The following COL13A1 variants were observed in gnomAD, a reference collection of about 807,000 sequenced individuals.
COL13A1 encodes collagen type XIII alpha 1 chain, also known as collagen alpha-1(XIII) chain.
A neutral mutation model predicts 130.9 loss-of-function variants in COL13A1; 89 were observed. That is an observed-to-expected ratio of 0.68 (90% CI 0.57 to 0.81). The LOEUF (loss-of-function observed/expected upper bound fraction) is 0.81, where lower values mean the gene tolerates loss of function less well. Ranked by LOEUF, COL13A1 falls within the 30% of genes least tolerant of loss-of-function variation. The pLI is 0.00. For synonymous variants in COL13A1, 402 were observed against 341.6 expected, an observed-to-expected ratio of 1.18 and a Z score of -1.95; for missense variants, 879 against 934.6, an observed-to-expected ratio of 0.94 and a Z score of 0.78.
At chr10:69,871,426 C>T (rs1315452915) in intron 3 of COL13A1, among the ~76,000 whole-genome samples, 2 of 152,198 alleles carry the variant, frequency 1.3e-5, no homozygotes, top group African/African-American at 4.8e-5. Flanking sequence ...ACCAACAACA[C>T]GGCGGGATGG....
Position 69,802,317 on chromosome 10 carries a change from T to A in COL13A1, c.-107T>A. The stretch of plus-strand genomic sequence containing the variant: ...AGCGGAAAGGGACGTTTTCCAGCGA[T>A]ACAAGCCCTTTCCCCCTGCCCCGCA... On this transcript the variant is annotated 5_prime_UTR_variant, in exon 1 of 41. Coordinates refer to ENST00000645393, the MANE Select transcript of COL13A1 (RefSeq NM_001368882.1). 1 of 1,245,376 alleles carries A rather than the reference T, an allele frequency of 8.0e-7. No homozygotes were observed. Among genetic ancestry groups the A allele is most frequent in the Non-Finnish European group, 1.0e-6 (1 of 962,394 alleles). The allele number at this position is 1,245,376 out of a possible 1,614,324, so 77.1% of individuals were successfully genotyped here. A position where few individuals can be genotyped will look rare whatever the true frequency, so the allele number is the denominator to read the frequency against.
In COL13A1 at chr10:69,853,821, C is replaced by A. The variant is rs866304286; in HGVS notation, c.365-13977C>A. Among the ~76,000 whole-genome samples, 41 of 152,182 alleles carry A rather than the reference C, an allele frequency of 2.7e-4. 1 individual carries two copies. In the Middle Eastern group the frequency reaches 0.017, roughly 63 times the overall value. ...AGCAGTGGACCATATTCCGTGCACA[C>A]CGATTTCTGCTCTGTGAACGTAGGT... On this transcript the variant is annotated intron_variant, in intron 2 of 40. Transcript: ENST00000645393.
intron 1 of COL13A1, among the ~76,000 whole-genome samples, chr10:69,804,982 GC>G (rs1039439783): frequency 2.0e-5 from 3 of 152,158 alleles, no homozygotes; most frequent in Admixed American, 6.5e-5. Context: ...AGTTTGCCAG[GC>G]AAAAGCGGGC....
chr10:69,930,282 T>A, intron 29 of COL13A1, 118 bp from the exon 30 acceptor site: 1 of 1,138,652 alleles, frequency 8.8e-7, no homozygotes, highest in Non-Finnish European at 1.2e-6. Context: ...CTGGGCTGTC[T>A]CTGCCTGCCC....
chr10:69,935,376 G>A lies in COL13A1; in HGVS notation c.1755G>A (p.Gly585=). 1 of 1,573,598 alleles carries A rather than the reference G, an allele frequency of 6.4e-7. No individual in the cohort carries two copies. The highest frequency in any genetic ancestry group is 8.6e-7 in the Non-Finnish European group (1 of 1,158,918). Residue 585 remains glycine, a synonymous_variant, in exon 32 of 41, where the codon GGG becomes GGA. Transcript: ENST00000645393. ...TTCCTGGGCTGCCAGGGCCAGAGGGGCCTCCCGGACCTCCGGTAAGTTTGG... is the reference window on the plus strand; with the variant it reads ...TTCCTGGGCTGCCAGGGCCAGAGGGACCTCCCGGACCTCCGGTAAGTTTGG... ...AEVPGLPGPE[G]PPGPPGLQGV...
Position 69,927,113 on chromosome 10 carries a change from A to G in COL13A1, c.1422+3A>G. On this transcript the variant is annotated splice_donor_region_variant and intron_variant, in intron 27 of 40. Transcript: ENST00000645393. Reference sequence around the variant, plus strand: ...AGATCCGGACGCTGGCCTTGATGGTAAGTTTTGCTCCTCCTGGCTTTCCTT... The same window carrying G: ...AGATCCGGACGCTGGCCTTGATGGTGAGTTTTGCTCCTCCTGGCTTTCCTT... The G allele has an allele frequency of 3.1e-6, 5 of 1,613,332 alleles. No individual in the cohort carries two copies. The South Asian group carries it at 5.5e-5, about 18-fold the overall frequency.
At chr10:69,902,225 T>C (rs1343348161) in intron 14 of COL13A1, among the ~76,000 whole-genome samples, 1 of 152,216 alleles carries the variant, frequency 6.6e-6, no homozygotes, top group Non-Finnish European at 1.5e-5. Flanking sequence ...TAAAATTCCA[T>C]GGGCTTTGAC....
chr10:69,806,977 A>G (rs545152351), intron 1 of COL13A1, among the ~76,000 whole-genome samples: 1 of 152,326 alleles, frequency 6.6e-6, no homozygotes, highest in Non-Finnish European at 1.5e-5. Flanking sequence ...ATTGCACTCC[A>G]GCCTGGGCGA....
chr10:69,807,936 CCATGGAGCTTA>C (rs1842001900), intron 1 of COL13A1, among the ~76,000 whole-genome samples: 1 of 152,184 alleles, frequency 6.6e-6, no homozygotes, highest in East Asian at 1.9e-4. Context: ...GCACACTTTC[CCATGGAGCTTA>C]CATGCAGCCT....
intron 2 of COL13A1, among the ~76,000 whole-genome samples, chr10:69,866,945 G>A (rs552650084): frequency 2.8e-4 from 42 of 152,304 alleles, no homozygotes; most frequent in African/African-American, 9.6e-4. Context: ...GGGAATCACC[G>A]GGAGGGTGGG....
intron 3 of COL13A1, among the ~76,000 whole-genome samples, chr10:69,870,909 C>T (rs759668833): frequency 6.6e-6 from 1 of 151,798 alleles, no homozygotes; most frequent in Non-Finnish European, 1.5e-5. Flanking sequence ...GATGCTTGGG[C>T]GAAGCACAGT....
intron 1 of COL13A1, among the ~76,000 whole-genome samples, chr10:69,804,544 T>C (rs1017649996): frequency 5.3e-5 from 8 of 151,830 alleles, no homozygotes; most frequent in African/African-American, 1.9e-4. Context: ...CTGAACCCCA[T>C]TTTTCAGATG....
chr10:69,870,868 G>A (rs12146229), intron 3 of COL13A1, among the ~76,000 whole-genome samples: 1 of 151,652 alleles, frequency 6.6e-6, no homozygotes, highest in African/African-American at 2.4e-5. Flanking sequence ...CTTTGGCAAG[G>A]GTCGGGCTGC....
intron 2 of COL13A1, among the ~76,000 whole-genome samples, chr10:69,828,714 G>T (rs992045922): frequency 1.3e-5 from 2 of 152,112 alleles, no homozygotes; most frequent in African/African-American, 4.8e-5. Flanking sequence ...CTTGGCCTCG[G>T]CCATGAGTTC....
At chr10:69,880,595 G>A (rs1175281218) in intron 7 of COL13A1, 42 bp downstream of exon 7, 3 of 1,604,744 alleles carry the variant, frequency 1.9e-6, no homozygotes, top group South Asian at 1.1e-5. Flanking sequence ...GGGGGGATGG[G>A]TGAGTTGATG....
At chr10:69,857,008 G>A (rs1234732273) in intron 2 of COL13A1, among the ~76,000 whole-genome samples, 2 of 152,172 alleles carry the variant, frequency 1.3e-5, no homozygotes, top group Admixed American at 6.5e-5. Flanking sequence ...ACCTTCCCTG[G>A]GCCCACTGTC....
At chr10:69,928,890 C>T (rs150870026) in intron 27 of COL13A1, 47 bp from the exon 28 acceptor site, 7 of 1,476,738 alleles carry the variant, frequency 4.7e-6, no homozygotes, top group East Asian at 2.3e-5. Context: ...ACAGGCTACC[C>T]TCCTCCATGG....
intron 40 of COL13A1, 92 bp downstream of exon 40, chr10:69,957,134 C>T (rs1414119013): frequency 7.9e-6 from 9 of 1,134,352 alleles, no homozygotes; most frequent in Middle Eastern, 3.9e-4. Context: ...ACAGATGAGG[C>T]AGCAAGACAT....
At chr10:69,921,210 G>A (rs541160001) in intron 21 of COL13A1, among the ~76,000 whole-genome samples, 3 of 152,210 alleles carry the variant, frequency 2.0e-5, no homozygotes, top group East Asian at 3.9e-4. Flanking sequence ...GGCAATCTTT[G>A]GCATTCCTTG....
Sources: allele counts gnomAD v4.1 joint callset (sites outside exome capture counted in the v4.1 genomes callset), GRCh38; gene constraint gnomAD v4.1.1; transcripts MANE v1.5; gene names NCBI Gene and HGNC (gene_info 2026-07-23, HGNC 2026-07-21).